Variants in ELP1 observed in about 807,000 individuals in gnomAD.
ELP1 encodes elongator complex protein 1.
A neutral mutation model predicts 183.2 loss-of-function variants in ELP1; 131 were observed. The observed-to-expected ratio is 0.72, with a 90% CI of 0.62 to 0.83. ELP1 has a LOEUF of 0.83. Ranked by LOEUF, ELP1 falls within the 40% of genes least tolerant of loss-of-function variation. The probability of loss-of-function intolerance (pLI) is 0.00; values close to 1 mark genes in which losing one functional copy is unlikely to be tolerated. For synonymous variants in ELP1, 555 were observed against 569.0 expected, an observed-to-expected ratio of 0.98 and a Z score of 0.35; for missense variants, 1,550 against 1,594.9, an observed-to-expected ratio of 0.97 and a Z score of 0.48.
Position 108,880,088 on chromosome 9 carries a change from G to A in ELP1, c.3424C>T (p.Arg1142Ter), listed in dbSNP as rs768015419. ...TGCTGGGCTTGCTCCTTGAGCTCTCGAACTACCAATAAACGTTTCTTGTGG... is the reference window on the plus strand; with the variant it reads ...TGCTGGGCTTGCTCCTTGAGCTCTCAAACTACCAATAAACGTTTCTTGTGG... ...SRHKKRLLVV[R>*]ELKEQAQQAG... The change falls in exon 32 of 37, where the codon CGA becomes TGA. Residue 1142 changes from arginine to a stop codon, truncating the protein, a stop_gained. Transcript: ENST00000374647. LOFTEE classifies it high-confidence loss of function. 8.1e-6 allele frequency: 13 copies of A among 1,613,938 alleles called. No homozygotes were observed. The highest frequency in any genetic ancestry group is 1.7e-5 in the Admixed American group (1 of 60,012).
chr9:108,910,240 G>A (rs1316742669), intron 12 of ELP1, among the ~76,000 whole-genome samples: 1 of 152,158 alleles, frequency 6.6e-6, no homozygotes, highest in East Asian at 1.9e-4. Flanking sequence ...AGAGAAACTG[G>A]TGATACATCC....
intron 25 of ELP1, among the ~76,000 whole-genome samples, chr9:108,894,845 C>T (rs1196838613): frequency 6.6e-6 from 1 of 152,216 alleles, no homozygotes; most frequent in South Asian, 2.1e-4. Flanking sequence ...ATCTCCAGCT[C>T]TATGCCATGC....
chr9:108,900,119 C>T lies in ELP1; in HGVS notation c.2130+141G>A, dbSNP rs55780406. 23,358 of 800,068 alleles carry T rather than the reference C, an allele frequency of 0.029. 460 individuals carry two copies. Among genetic ancestry groups the T allele is most frequent in the South Asian group, 0.054 (3,671 of 67,856 alleles). 49.6% of individuals were successfully genotyped at this position (800,068 alleles called of 1,614,324 possible). ...TGTATCAACACTCCTTTGAATAAAG[C>T]TAACAGAAAACTATCAAGGAAAGGT... On this transcript the variant is annotated intron_variant, in intron 19 of 36. Coordinates refer to ENST00000374647, the MANE Select transcript of ELP1 (RefSeq NM_003640.5).
At chr9:108,889,152 T>C (rs112702758) in intron 29 of ELP1, among the ~76,000 whole-genome samples, 180 bp downstream of exon 29, 20 of 152,200 alleles carry the variant, frequency 1.3e-4, no homozygotes, top group African/African-American at 4.8e-4. Context: ...CTCACCAAAC[T>C]TAGAGATGTA....
intron 36 of ELP1, among the ~76,000 whole-genome samples, chr9:108,874,570 T>C (rs920516445): frequency 6.6e-6 from 1 of 152,196 alleles, no homozygotes; most frequent in African/African-American, 2.4e-5. Flanking sequence ...GAAGAATCTT[T>C]TGATGTATAT....
rs757538694 is a variant in ELP1 at position 108,897,128 on chromosome 9, C to G, written c.2501+20G>C. ...CACTTCGGTTTTTCAAAGGATGCCA[C>G]CTGGTGACAGCATACATACTTATGA... is the stretch of plus-strand genomic sequence containing the variant. On this transcript the variant is annotated intron_variant, in intron 23 of 36. Transcript: ENST00000374647. The G allele has an allele frequency of 1.2e-6, 2 of 1,614,140 alleles. No homozygotes were observed. Among genetic ancestry groups the G allele is most frequent in the Non-Finnish European group, 8.5e-7 (1 of 1,180,018 alleles).
At chr9:108,889,040 A>T (rs1028790306) in intron 29 of ELP1, among the ~76,000 whole-genome samples, 1 of 152,202 alleles carries the variant, frequency 6.6e-6, no homozygotes, top group Non-Finnish European at 1.5e-5. Context: ...CTACTTTGGC[A>T]AACTCAATTT....
intron 1 of ELP1, among the ~76,000 whole-genome samples, chr9:108,933,597 T>C (rs537427860): frequency 2.6e-5 from 4 of 152,244 alleles, no homozygotes; most frequent in Non-Finnish European, 5.9e-5. Context: ...TCAGCGTTAT[T>C]ATCAACCCCC....
intron 29 of ELP1, among the ~76,000 whole-genome samples, chr9:108,884,765 T>C (rs944121197): frequency 1.3e-5 from 2 of 152,120 alleles, no homozygotes; most frequent in Non-Finnish European, 2.9e-5. Context: ...AAGTAAGGAA[T>C]CATCTCAAAT....
At chr9:108,923,011 C>A in intron 5 of ELP1, 84 bp from the exon 6 acceptor site, 1 of 991,872 alleles carries the variant, frequency 1.0e-6, no homozygotes, top group Non-Finnish European at 1.6e-6. Flanking sequence ...TGAAGTTAGT[C>A]ATTGGCAATT....
Position 108,869,122 on chromosome 9 carries a change from A to G in ELP1, c.3992T>C (p.Leu1331Pro). Residue 1331 changes from leucine (L) to proline (P), a missense_variant, in exon 37 of 37, where the codon CTA (leucine) becomes CCA (proline). Physicochemically the swap from Leu to Pro is moderately conservative, Grantham distance 98. Coordinates refer to ENST00000374647, the MANE Select transcript of ELP1 (RefSeq NM_003640.5). The part of the protein sequence containing the change: ...NRRTQWKLSL[L>P]D Reference sequence around the variant, plus strand: ...CCTCCTAACTGCAGTCACTCAGTCTAGCAGGCTCAGCTTCCACTGGGTTCT... The same window carrying G: ...CCTCCTAACTGCAGTCACTCAGTCTGGCAGGCTCAGCTTCCACTGGGTTCT... 1 of 1,613,962 alleles carries G rather than the reference A, an allele frequency of 6.2e-7. No homozygotes were observed. Among genetic ancestry groups the G allele is most frequent in the Non-Finnish European group, 8.5e-7 (1 of 1,179,820 alleles).
intron 25 of ELP1, among the ~76,000 whole-genome samples, chr9:108,894,292 C>T (rs888722500): frequency 2.6e-5 from 4 of 152,174 alleles, no homozygotes; most frequent in Admixed American, 2.6e-4. Flanking sequence ...CAAGCATACC[C>T]CAGTCCTACA....
intron 14 of ELP1, among the ~76,000 whole-genome samples, chr9:108,905,162 G>A (rs894772959): frequency 6.6e-6 from 1 of 152,196 alleles, no homozygotes; most frequent in Non-Finnish European, 1.5e-5. Flanking sequence ...GAGTCAAAGA[G>A]TAGCAGCAAA....
intron 5 of ELP1, among the ~76,000 whole-genome samples, chr9:108,923,425 A>G (rs545696250): frequency 2.0e-5 from 3 of 152,336 alleles, no homozygotes; most frequent in Non-Finnish European, 4.4e-5. Context: ...GTGACTTTGA[A>G]GAATTTGAAA....
intron 10 of ELP1, among the ~76,000 whole-genome samples, chr9:108,913,854 A>G (rs1447991715): frequency 6.6e-6 from 1 of 152,150 alleles, no homozygotes; most frequent in Non-Finnish European, 1.5e-5. Context: ...ATCCTGTGCA[A>G]TATTTTTATG....
intron 10 of ELP1, among the ~76,000 whole-genome samples, chr9:108,915,616 C>A (rs933154616): frequency 2.6e-5 from 4 of 152,148 alleles, no homozygotes; most frequent in Admixed American, 1.3e-4. Flanking sequence ...ATTAGCTAAT[C>A]TTTTAAAGTA....
intron 35 of ELP1, chr9:108,875,603 G>C (rs1208994175): frequency 3.1e-6 from 1 of 319,102 alleles, no homozygotes; most frequent in Non-Finnish European, 6.2e-6. Context: ...TGATGTCTTA[G>C]AACTTAATGT....
At chr9:108,921,549 G>C (rs1327432913) in intron 6 of ELP1, among the ~76,000 whole-genome samples, 1 of 150,488 alleles carries the variant, frequency 6.6e-6, no homozygotes, top group African/African-American at 2.5e-5. Flanking sequence ...ACTTGGTCAA[G>C]TTCCTGTTTA....
At chr9:108,874,806 C>A in intron 36 of ELP1, 89 bp downstream of exon 36, 1 of 899,066 alleles carries the variant, frequency 1.1e-6, no homozygotes. Context: ...TGTATCCAAT[C>A]TCTCCTTATA....
Sources: allele counts gnomAD v4.1 joint callset (sites outside exome capture counted in the v4.1 genomes callset), GRCh38; gene constraint gnomAD v4.1.1; transcripts MANE v1.5; gene names NCBI Gene and HGNC (gene_info 2026-07-23, HGNC 2026-07-21).